Variants in PTPN2 observed in about 807,000 individuals in gnomAD.
PTPN2 encodes the protein tyrosine-protein phosphatase non-receptor type 2.
Under a neutral mutation model 57.3 loss-of-function variants are expected in PTPN2, and 19 were observed. That is an observed-to-expected ratio of 0.33 (90% CI 0.23 to 0.49). PTPN2 has a LOEUF of 0.49. PTPN2 is among the 20% of genes least tolerant of loss of function. The pLI is 0.99. For missense variants in PTPN2, 358 were observed against 501.1 expected (o/e 0.71, Z 2.73); for synonymous variants, 153 against 164.9 (o/e 0.93, Z 0.55).
At chr18:12,856,002 C>T (rs1044616416) in intron 2 of PTPN2, among the ~76,000 whole-genome samples, 2 of 152,108 alleles carry the variant, frequency 1.3e-5, no homozygotes, top group African/African-American at 4.8e-5. Flanking sequence ...TGGGAGTAAG[C>T]AAGTGAAAGC....
At chr18:12,806,771 C>G (rs1027785710) in intron 7 of PTPN2, among the ~76,000 whole-genome samples, 1 of 152,046 alleles carries the variant, frequency 6.6e-6, no homozygotes, top group Non-Finnish European at 1.5e-5. Context: ...ACCCCTATCT[C>G]TCACCATATT....
At chr18:12,856,313 A>T (rs2145463968) in intron 2 of PTPN2, among the ~76,000 whole-genome samples, 1 of 152,374 alleles carries the variant, frequency 6.6e-6, no homozygotes, top group Admixed American at 6.5e-5. Context: ...ATATTGGCTC[A>T]GACTAGAAAA....
chr18:12,870,511 T>TGTG (rs1555679767), intron 1 of PTPN2, among the ~76,000 whole-genome samples: 3 of 43,748 alleles, frequency 6.9e-5, no homozygotes, highest in African/African-American at 3.5e-4. Context: ...AAGCGTGTTG[T>TGTG]TTTTTTTTTT....
rs984408458 is a variant in PTPN2 at position 12,855,710 on chromosome 18, A to T, written c.160+3454T>A. 3.9e-5 allele frequency among the ~76,000 whole-genome samples: 6 copies of T among 152,274 alleles called. No homozygotes were observed. In the East Asian group the frequency reaches 1.2e-3, roughly 29 times the overall value. ...CAAGGCAACCCCAAGCCCACCTAACACTGGAGTCCACCCAAGGCACACGCT... is the reference window on the plus strand; with the variant it reads ...CAAGGCAACCCCAAGCCCACCTAACTCTGGAGTCCACCCAAGGCACACGCT... On this transcript the variant is annotated intron_variant, in intron 2 of 8. Transcript: ENST00000309660.
rs1491549040 is a variant in PTPN2, at chr18:12,870,384, C to CGT, written c.70-11132_70-11131dup. Reference sequence around the variant, plus strand: ...ATATGTGTATATATACATATATATACGTATATATGTATATATACACGTATA... The same window carrying CGT: ...ATATGTGTATATATACATATATATACGTGTATATATGTATATATACACGTATA... On this transcript the variant is annotated intron_variant, in intron 1 of 8. Transcript: ENST00000309660. Among the ~76,000 whole-genome samples, 52 of 36,734 alleles carry CGT rather than the reference C, an allele frequency of 1.4e-3. 2 individuals are homozygous for CGT. The highest frequency in any genetic ancestry group is 3.4e-3 in the Admixed American group (11 of 3,196). 24.1% of individuals were successfully genotyped at this position (36,734 alleles called of 152,430 possible). A position where few individuals can be genotyped will look rare whatever the true frequency, so the allele number is the denominator to read the frequency against.
intron 2 of PTPN2, among the ~76,000 whole-genome samples, chr18:12,837,995 A>T (rs1028242859): frequency 6.6e-6 from 1 of 152,096 alleles, no homozygotes; most frequent in Admixed American, 6.5e-5. Context: ...ACTTTTTTTT[A>T]AAAATCACTT....
chr18:12,880,329 T>C (rs1173544530), intron 1 of PTPN2, among the ~76,000 whole-genome samples: 2 of 152,180 alleles, frequency 1.3e-5, no homozygotes, highest in Admixed American at 6.5e-5. Context: ...TGAGGTCTTG[T>C]GAGCCGGAGG....
intron 2 of PTPN2, chr18:12,840,811 T>C: frequency 6.3e-7 from 1 of 1,598,324 alleles, no homozygotes; most frequent in Non-Finnish European, 8.5e-7. Context: ...GACATCACCT[T>C]TTCACGTTGC....
chr18:12,834,444 A>AG (rs1449464174), intron 3 of PTPN2, among the ~76,000 whole-genome samples: 1 of 152,264 alleles, frequency 6.6e-6, no homozygotes, highest in Non-Finnish European at 1.5e-5. Context: ...AATTATACAA[A>AG]GCATGTAAAA....
chr18:12,791,039 A>G (rs1241401183), downstream of PTPN2, among the ~76,000 whole-genome samples: 1 of 152,246 alleles, frequency 6.6e-6, no homozygotes, highest in East Asian at 1.9e-4. Context: ...TAACCCTTTA[A>G]GAATGCAGAA....
At position 12,825,864 on chromosome 18, in the gene PTPN2, T is replaced by C. The variant is rs74163635; in HGVS notation, c.441A>G (p.Ser147=). The C allele has an allele frequency of 3.1e-5, 50 of 1,611,278 alleles. No homozygotes were observed. Among genetic ancestry groups the C allele is most frequent in the Non-Finnish European group, 4.2e-5 (49 of 1,178,608 alleles). ...CTGTATAATACGACTTCACATCTTC[T>C]GACAAGAGCTTCACACTGAATCCTG... The part of the protein sequence containing the change: ...KETGFSVKLL[S]EDVKSYYTVH... Residue 147 remains serine (S), a synonymous_variant, in exon 5 of 9, where the codon TCA becomes TCG. Coordinates refer to ENST00000309660, the MANE Select transcript of PTPN2 (RefSeq NM_002828.4).
chr18:12,849,995 CTT>C (rs952560743), intron 2 of PTPN2, among the ~76,000 whole-genome samples: 1 of 152,078 alleles, frequency 6.6e-6, no homozygotes, highest in Non-Finnish European at 1.5e-5. Context: ...TTCTTTCTTT[CTT>C]GTTTGATTGA....
At position 12,840,920 on chromosome 18, in the gene PTPN2, G is replaced by A. The variant is rs926715397; in HGVS notation, c.161-4029C>T. 3.7e-5 allele frequency: 56 copies of A among 1,526,988 alleles called. No homozygotes were observed. The African/African-American group carries it at 7.1e-4, about 19-fold the overall frequency. 94.6% of individuals were successfully genotyped at this position (1,526,988 alleles called of 1,614,324 possible). On this transcript the variant is annotated intron_variant, in intron 2 of 8. Transcript: ENST00000309660. Reference sequence around the variant, plus strand: ...ATCTTCTCTAACTAGACGCTCTGATGGAATGCCTCCATGATGAACTGGTCT... The same window carrying A: ...ATCTTCTCTAACTAGACGCTCTGATAGAATGCCTCCATGATGAACTGGTCT...
At chr18:12,878,753 G>A (rs2044575985) in intron 1 of PTPN2, among the ~76,000 whole-genome samples, 1 of 152,144 alleles carries the variant, frequency 6.6e-6, no homozygotes, top group Non-Finnish European at 1.5e-5. Flanking sequence ...AGGCTGAGGT[G>A]AGAGGCTCAC....
intron 1 of PTPN2, among the ~76,000 whole-genome samples, chr18:12,882,994 G>A (rs2044712905): frequency 6.6e-6 from 1 of 152,184 alleles, no homozygotes; most frequent in African/African-American, 2.4e-5. Flanking sequence ...ATAAAGTTTT[G>A]TTTGAATTAA....
chr18:12,804,765 G>A (rs1201420880), intron 7 of PTPN2, among the ~76,000 whole-genome samples: 5 of 152,188 alleles, frequency 3.3e-5, no homozygotes, highest in East Asian at 1.9e-4. Flanking sequence ...AGAAAAGCCC[G>A]GACTTGATGG....
At chr18:12,828,933 C>G (rs1568121436) in intron 4 of PTPN2, among the ~76,000 whole-genome samples, 1 of 152,080 alleles carries the variant, frequency 6.6e-6, no homozygotes, top group African/African-American at 2.4e-5. Flanking sequence ...GGGTCTCGCT[C>G]TGTCCCCAGG....
chr18:12,842,170 T>A (rs1350824400), intron 2 of PTPN2, among the ~76,000 whole-genome samples: 1 of 152,082 alleles, frequency 6.6e-6, no homozygotes, highest in Non-Finnish European at 1.5e-5. Flanking sequence ...CCTCCCAAAG[T>A]GTTGGGATTA....
intron 2 of PTPN2, among the ~76,000 whole-genome samples, chr18:12,844,919 G>A (rs2043164650): frequency 6.6e-6 from 1 of 152,104 alleles, no homozygotes; most frequent in African/African-American, 2.4e-5. Flanking sequence ...TGTAAGGTGT[G>A]AGATTTCATT....
Sources: gnomAD v4.1 joint callset for allele counts (sites outside exome capture counted in the v4.1 genomes callset) on GRCh38, gnomAD v4.1.1 for gene constraint, MANE v1.5 for transcripts, NCBI Gene and HGNC (gene_info 2026-07-23, HGNC 2026-07-21) for gene names.